KCNMA1: variants seen among roughly 807,000 people sequenced by gnomAD.
The protein encoded by KCNMA1 is potassium calcium-activated channel subfamily M alpha 1.
Under a neutral mutation model 140.0 loss-of-function variants are expected in KCNMA1, and 29 were observed. The ratio of observed to expected loss-of-function variants is 0.21; its 90% CI spans 0.15 to 0.28. The LOEUF (loss-of-function observed/expected upper bound fraction) is 0.28. Ranked by LOEUF, KCNMA1 falls within the 10% of genes least tolerant of loss-of-function variation. KCNMA1 has a pLI of 1.00. For synonymous variants in KCNMA1, 612 were observed against 611.9 expected (o/e 1.00, Z 0.00); for missense variants, 880 against 1,602.2 (o/e 0.55, Z 7.70).
chr10:77,400,544 G>A (rs1603469228), intron 2 of KCNMA1, among the ~76,000 whole-genome samples: 1 of 152,228 alleles, frequency 6.6e-6, no homozygotes, highest in Non-Finnish European at 1.5e-5. Context: ...ATCTTCGACT[G>A]GGAAGTAATG....
chr10:77,457,078 T>C (rs1026943420), intron 1 of KCNMA1, among the ~76,000 whole-genome samples: 17 of 152,138 alleles, frequency 1.1e-4, no homozygotes, highest in African/African-American at 3.9e-4. Context: ...AAAATATGCC[T>C]GCACTTCCTA....
chr10:77,529,594 A>C (rs2057028053), intron 1 of KCNMA1, among the ~76,000 whole-genome samples: 1 of 152,178 alleles, frequency 6.6e-6, no homozygotes, highest in South Asian at 2.1e-4. Flanking sequence ...AAATTATATA[A>C]ATAACAAATG....
intron 2 of KCNMA1, among the ~76,000 whole-genome samples, chr10:77,337,081 G>A (rs566499947): frequency 9.9e-5 from 15 of 152,270 alleles, no homozygotes; most frequent in African/African-American, 2.9e-4. Context: ...TCCAGAACTC[G>A]GAGACAAGTC....
intron 2 of KCNMA1, among the ~76,000 whole-genome samples, chr10:77,265,101 G>A (rs1181400111): frequency 6.6e-6 from 1 of 151,616 alleles, no homozygotes; most frequent in Non-Finnish European, 1.5e-5. Context: ...GCCCAGGCTA[G>A]AGTGCAGTGG....
intron 2 of KCNMA1, among the ~76,000 whole-genome samples, chr10:77,283,177 A>T (rs544802478): frequency 6.6e-6 from 1 of 152,374 alleles, no homozygotes; most frequent in Non-Finnish European, 1.5e-5. Context: ...CACACTGCAC[A>T]GGCTGTGTTG....
At chr10:77,191,524 C>T (rs2098938236) in intron 3 of KCNMA1, among the ~76,000 whole-genome samples, 1 of 152,082 alleles carries the variant, frequency 6.6e-6, no homozygotes, top group Non-Finnish European at 1.5e-5. Context: ...ATCGATTCTT[C>T]TCATGTTTAC....
intron 5 of KCNMA1, among the ~76,000 whole-genome samples, chr10:77,151,206 CT>C (rs1361531931): frequency 6.9e-6 from 1 of 145,892 alleles, no homozygotes; most frequent in African/African-American, 2.6e-5. Context: ...CTCTCTCTCT[CT>C]CTTTCTTTCT....
chr10:77,330,941 GCA>G (rs1186045156), intron 2 of KCNMA1, among the ~76,000 whole-genome samples: 70 of 152,158 alleles, frequency 4.6e-4, no homozygotes, highest in Non-Finnish European at 7.4e-5. Context: ...CAAGTGTTTG[GCA>G]CAGAGATGGG....
chr10:77,340,897 G>T (rs1339311663), intron 2 of KCNMA1, among the ~76,000 whole-genome samples: 1 of 151,416 alleles, frequency 6.6e-6, no homozygotes, highest in Non-Finnish European at 1.5e-5. Flanking sequence ...AGAGTGACAG[G>T]CATAATCCTT....
intron 1 of KCNMA1, among the ~76,000 whole-genome samples, chr10:77,523,455 T>C (rs1158821477): frequency 6.6e-6 from 1 of 152,210 alleles, no homozygotes; most frequent in Non-Finnish European, 1.5e-5. Flanking sequence ...ACATAGGGAA[T>C]GCAAGCCTGG....
intron 1 of KCNMA1, among the ~76,000 whole-genome samples, chr10:77,429,095 G>A (rs890139845): frequency 1.3e-5 from 2 of 152,184 alleles, no homozygotes; most frequent in African/African-American, 4.8e-5. Context: ...GTGCAGGTCT[G>A]CAGGGATGAG....
Position 77,409,084 on chromosome 10 carries a change from C to T in KCNMA1, c.379-5061G>A, listed in dbSNP as rs542249080. Among the ~76,000 whole-genome samples the T allele has an allele frequency of 2.6e-5, 4 of 152,284 alleles. No homozygotes were observed. In the South Asian group the frequency reaches 6.2e-4, roughly 24 times the overall value. Reference sequence around the variant, plus strand: ...CCTTACACCCTCACCCCTTTCTATGCCTTCTCCCCATTCCCTTTAGTGGTG... The same window carrying T: ...CCTTACACCCTCACCCCTTTCTATGTCTTCTCCCCATTCCCTTTAGTGGTG... On this transcript the variant is annotated intron_variant, in intron 1 of 27. Transcript: ENST00000286628.
In KCNMA1 at chr10:77,251,276, T is replaced by C; in HGVS notation, c.541-20A>G. 1.2e-6 allele frequency: 2 copies of C among 1,603,078 alleles called. No individual in the cohort carries two copies. The highest frequency in any genetic ancestry group is 1.7e-6 in the Non-Finnish European group (2 of 1,170,316). On this transcript the variant is annotated intron_variant, in intron 2 of 27. Transcript: ENST00000286628. ...GACAACCTGTAAAAGAAGAGGAGAA[T>C]GCCATCACTTAAGAGTTGGACCTCA...
intron 1 of KCNMA1, among the ~76,000 whole-genome samples, chr10:77,615,623 T>C (rs1206800628): frequency 6.6e-6 from 1 of 152,126 alleles, no homozygotes; most frequent in Non-Finnish European, 1.5e-5. Flanking sequence ...ACTGCAAAAT[T>C]CTTCCTTTCC....
At position 77,183,618 on chromosome 10, in the gene KCNMA1, G is replaced by T. The variant is rs2098820232; in HGVS notation, c.697-86C>A. ...TGTACACTCTTTTGTCAAAGGGTAA[G>T]TTTTGAGTTTTCATAGGGCCACCAC... is the stretch of plus-strand genomic sequence containing the variant. On this transcript the variant is annotated intron_variant, in intron 4 of 27. Transcript: ENST00000286628. The T allele has an allele frequency of 4.2e-6, 4 of 957,894 alleles. No individual in the cohort carries two copies. In the South Asian group the frequency reaches 5.5e-5, roughly 13 times the overall value. The allele number at this position is 957,894 out of a possible 1,614,324, so 59.3% of individuals were successfully genotyped here.
chr10:76,871,469 C>T (rs578012388), exon 28 of KCNMA1: 1 of 152,376 alleles, frequency 6.6e-6, no homozygotes, highest in South Asian at 2.1e-4. Flanking sequence ...CTATTACGAT[C>T]TATAACATTT....
At chr10:77,614,836 T>C (rs2088718078) in intron 1 of KCNMA1, among the ~76,000 whole-genome samples, 1 of 152,104 alleles carries the variant, frequency 6.6e-6, no homozygotes, top group Admixed American at 6.5e-5. Context: ...AAGCACCACA[T>C]GACTGACACT....
chr10:77,521,174 C>T (rs1194443131), intron 1 of KCNMA1, among the ~76,000 whole-genome samples: 1 of 152,082 alleles, frequency 6.6e-6, no homozygotes, highest in East Asian at 1.9e-4. Context: ...TGTGCAAAGG[C>T]CCTGAGGTGC....
chr10:77,193,561 T>A (rs2039366050), intron 3 of KCNMA1, among the ~76,000 whole-genome samples: 2 of 152,146 alleles, frequency 1.3e-5, no homozygotes, highest in African/African-American at 2.4e-5. Context: ...TATGCACTTA[T>A]GCACATATAC....
Sources: gnomAD v4.1 joint callset for allele counts (sites outside exome capture counted in the v4.1 genomes callset) on GRCh38, gnomAD v4.1.1 for gene constraint, MANE v1.5 for transcripts, NCBI Gene and HGNC (gene_info 2026-07-23, HGNC 2026-07-21) for gene names.